Variants in COL24A1 observed in about 807,000 individuals in gnomAD.
COL24A1 encodes collagen type XXIV alpha 1 chain.
A neutral mutation model predicts 253.9 loss-of-function variants in COL24A1; 224 were observed. The observed-to-expected ratio is 0.88, with a 90% CI of 0.79 to 0.99. COL24A1 has a LOEUF of 0.99. Among genes scored for constraint, COL24A1 ranks in the 50% least tolerant of loss-of-function variants. The pLI is 0.00. For missense variants in COL24A1, 2,131 were observed against 2,068.5 expected, an observed-to-expected ratio of 1.03 and a Z score of -0.59; for synonymous variants, 685 against 673.7, an observed-to-expected ratio of 1.02 and a Z score of -0.26.
At chr1:85,868,863 G>C (rs1166865894) in intron 35 of COL24A1, 28 bp from the exon 36 acceptor site, 10 of 1,527,440 alleles carry the variant, frequency 6.5e-6, no homozygotes, top group Non-Finnish European at 8.8e-6. Flanking sequence ...GAGTATGATT[G>C]AGTTTTTTTT....
chr1:85,909,704 A>G (rs1448749299), intron 26 of COL24A1, among the ~76,000 whole-genome samples: 1 of 151,948 alleles, frequency 6.6e-6, no homozygotes, highest in Non-Finnish European at 1.5e-5. Context: ...CTTTTTTAGC[A>G]AATTGTGGTG....
At chr1:85,841,143 G>T (rs1676567404) in intron 42 of COL24A1, 79 bp downstream of exon 42, 3 of 1,006,410 alleles carry the variant, frequency 3.0e-6, no homozygotes, top group Non-Finnish European at 4.4e-6. Flanking sequence ...TCCTTGAAAA[G>T]ATTTAATTGG....
intron 50 of COL24A1, 121 bp downstream of exon 50, chr1:85,783,992 A>G (rs1448147931): frequency 4.5e-6 from 3 of 673,778 alleles, no homozygotes; most frequent in Non-Finnish European, 7.3e-6. Flanking sequence ...ACTCAAATAT[A>G]TAAATATGTA....
chr1:85,954,777 C>A (rs144015921), intron 24 of COL24A1, among the ~76,000 whole-genome samples: 2 of 152,098 alleles, frequency 1.3e-5, no homozygotes, highest in East Asian at 3.9e-4. Flanking sequence ...TTTATAGATA[C>A]GAGTAGCCTA....
intron 16 of COL24A1, 101 bp from the exon 17 acceptor site, chr1:86,022,692 TCTTA>T: frequency 7.3e-7 from 1 of 1,371,044 alleles, no homozygotes; most frequent in Non-Finnish European, 9.9e-7. Flanking sequence ...TCTCTATTTT[TCTTA>T]CTTCTGAGGA....
chr1:86,140,349 C>A (rs1460784236), intron 2 of COL24A1, among the ~76,000 whole-genome samples: 7 of 152,128 alleles, frequency 4.6e-5, no homozygotes, highest in African/African-American at 1.7e-4. Context: ...AGGTGGCAAT[C>A]GTTTCTTAGA....
chr1:85,949,573 G>A (rs1452455245), intron 24 of COL24A1, among the ~76,000 whole-genome samples: 2 of 152,060 alleles, frequency 1.3e-5, no homozygotes, highest in Non-Finnish European at 2.9e-5. Context: ...TAGTCCTTGA[G>A]TTTATGGAGC....
chr1:85,808,592 T>C (rs1374147246), intron 47 of COL24A1, among the ~76,000 whole-genome samples: 1 of 152,236 alleles, frequency 6.6e-6, no homozygotes, highest in Non-Finnish European at 1.5e-5. Context: ...TGAGCAGATA[T>C]CTTTATATTC....
chr1:86,133,817 G>A (rs1201784834), intron 2 of COL24A1, among the ~76,000 whole-genome samples: 1 of 140,606 alleles, frequency 7.1e-6, no homozygotes, highest in African/African-American at 2.6e-5. Flanking sequence ...TTCTTTTTTT[G>A]TTGTGTCTCT....
chr1:85,842,197 A>C, intron 40 of COL24A1, 76 bp from the exon 41 acceptor site: 2 of 1,469,514 alleles, frequency 1.4e-6, no homozygotes, highest in Admixed American at 3.4e-5. Context: ...AAGGAAAAAT[A>C]GGATTCACTG....
chr1:86,148,361 T>TA (rs1652214740), intron 1 of COL24A1, among the ~76,000 whole-genome samples: 2 of 151,996 alleles, frequency 1.3e-5, no homozygotes. Context: ...ATTTTTTTTT[T>TA]ATTATACTTT....
intron 7 of COL24A1, among the ~76,000 whole-genome samples, chr1:86,063,961 C>CAAA (rs1701298350): frequency 6.6e-6 from 1 of 151,422 alleles, no homozygotes; most frequent in Admixed American, 6.6e-5. Context: ...AAAATTAATT[C>CAAA]TTATTAATAA....
intron 37 of COL24A1, among the ~76,000 whole-genome samples, chr1:85,854,350 T>C (rs313709): frequency 0.37 from 57,011 of 152,098 alleles, 11,683 homozygotes; most frequent in East Asian, 0.57. Context: ...AGTACAATAT[T>C]GTTTTAGTTA....
chr1:86,128,568 C>G (rs1355634142), intron 2 of COL24A1, among the ~76,000 whole-genome samples: 2 of 151,886 alleles, frequency 1.3e-5, no homozygotes, highest in Non-Finnish European at 2.9e-5. Context: ...TATTAAGAAC[C>G]CCTGCCATCT....
rs186997206 is a variant in COL24A1 at position 86,095,559 on chromosome 1, T to C, written c.1600-3239A>G. Among the ~76,000 whole-genome samples the C allele has an allele frequency of 8.1e-3, 1,226 of 152,228 alleles. 21 individuals are homozygous for C. The highest frequency in any genetic ancestry group is 0.028 in the African/African-American group (1,169 of 41,566). On this transcript the variant is annotated intron_variant, in intron 5 of 59. Coordinates refer to ENST00000370571, the MANE Select transcript of COL24A1 (RefSeq NM_152890.7). ...AGGAAGTAGGGCATGCTTCTCTGCA[T>C]TGAAGGAGAAAACTCCAAAATTTCT...
At chr1:85,803,821 C>A (rs535710903) in intron 47 of COL24A1, among the ~76,000 whole-genome samples, 1 of 152,256 alleles carries the variant, frequency 6.6e-6, no homozygotes, top group South Asian at 2.1e-4. Context: ...CTATTCCAAT[C>A]TAGACATCTT....
intron 24 of COL24A1, among the ~76,000 whole-genome samples, chr1:85,946,299 C>T (rs1357836957): frequency 4.6e-5 from 7 of 152,058 alleles, no homozygotes; most frequent in Non-Finnish European, 8.8e-5. Context: ...GACACCGCAC[C>T]GGGTTTCCGC....
chr1:85,830,500 G>T (rs2102096912), intron 43 of COL24A1, among the ~76,000 whole-genome samples: 1 of 152,290 alleles, frequency 6.6e-6, no homozygotes, highest in Middle Eastern at 3.4e-3. Context: ...CCTGGGCAAT[G>T]GCGGGTGCCC....
rs112304556 is a variant in COL24A1 at position 85,842,248 on chromosome 1, A to C, written c.3516+92T>G. 1.7e-5 allele frequency: 23 copies of C among 1,333,670 alleles called. No individual in the cohort carries two copies. The African/African-American group carries it at 1.9e-4, about 11-fold the overall frequency. 82.6% of individuals were successfully genotyped at this position (1,333,670 alleles called of 1,614,324 possible). On this transcript the variant is annotated intron_variant, in intron 40 of 59. Transcript: ENST00000370571. ...CCTAAATATGTTAGAAAGGTTTATC[A>C]GAGAGATTTCATCTTAATTTGAATA...
Sources: gnomAD v4.1 joint callset for allele counts (sites outside exome capture counted in the v4.1 genomes callset) on GRCh38, gnomAD v4.1.1 for gene constraint, MANE v1.5 for transcripts, NCBI Gene and HGNC (gene_info 2026-07-23, HGNC 2026-07-21) for gene names.